Variants in OPA1 observed in about 807,000 individuals in gnomAD.
The protein encoded by OPA1 is OPA1 mitochondrial dynamin like GTPase, also known as dynamin-like GTPase OPA1, mitochondrial.
Under a neutral mutation model 152.9 loss-of-function variants are expected in OPA1, and 59 were observed. That is an observed-to-expected ratio of 0.39 (90% CI 0.31 to 0.48). The LOEUF (loss-of-function observed/expected upper bound fraction) is 0.48. OPA1 is among the 20% of genes least tolerant of loss of function. The pLI is 0.96. For missense variants in OPA1, 1,008 were observed against 1,216.8 expected, an observed-to-expected ratio of 0.83 and a Z score of 2.55; for synonymous variants, 400 against 389.9, an observed-to-expected ratio of 1.03 and a Z score of -0.31.
At chr3:193,687,464 T>G (rs1453853829) in intron 29 of OPA1, among the ~76,000 whole-genome samples, 2 of 152,268 alleles carry the variant, frequency 1.3e-5, no homozygotes, top group African/African-American at 4.8e-5. Context: ...TCACAAATTT[T>G]ATTCTTTATT....
intron 15 of OPA1, 83 bp from the exon 16 acceptor site, chr3:193,643,892 C>CA: frequency 7.2e-7 from 1 of 1,381,080 alleles, no homozygotes; most frequent in Non-Finnish European, 1.0e-6. Flanking sequence ...ATAATGTAGA[C>CA]ACAGGGGTAT....
chr3:193,690,934 C>T (rs1041729845), intron 29 of OPA1, among the ~76,000 whole-genome samples: 4 of 152,092 alleles, frequency 2.6e-5, no homozygotes, highest in African/African-American at 9.7e-5. Context: ...AAATAGGAGG[C>T]CAGGCACAGT....
chr3:193,666,018 T>A (rs1252992678), intron 27 of OPA1, among the ~76,000 whole-genome samples: 1 of 152,198 alleles, frequency 6.6e-6, no homozygotes, highest in Non-Finnish European at 1.5e-5. Context: ...TTACATACAA[T>A]GTAATGTAAT....
intron 7 of OPA1, among the ~76,000 whole-genome samples, chr3:193,628,812 A>G (rs1018649685): frequency 6.6e-6 from 1 of 152,098 alleles, no homozygotes; most frequent in African/African-American, 2.4e-5. Context: ...AAAAATTATC[A>G]TCTCATCAAT....
chr3:193,634,822 T>C (rs1732695279), intron 8 of OPA1, among the ~76,000 whole-genome samples: 1 of 152,218 alleles, frequency 6.6e-6, no homozygotes, highest in African/African-American at 2.4e-5. Flanking sequence ...CTCTACTAAG[T>C]GACCTTGGTC....
intron 29 of OPA1, among the ~76,000 whole-genome samples, chr3:193,686,211 G>T (rs1321532652): frequency 6.6e-6 from 1 of 152,164 alleles, no homozygotes; most frequent in African/African-American, 2.4e-5. Context: ...GAGGGGATGG[G>T]TTTCTTGTCC....
At position 193,657,249 on chromosome 3, in the gene OPA1, C is replaced by CT; in HGVS notation, c.2331+18dup. ...GACAGCTTGGTATGTTGTTTGTATA[C>CT]TGGGGTATCAGCCTCATATTTTTAT... On this transcript the variant is annotated intron_variant, in intron 23 of 30. Transcript: ENST00000361510. 6.2e-7 allele frequency: 1 copy of CT among 1,612,852 alleles called. No homozygotes were observed. Among genetic ancestry groups the CT allele is most frequent in the South Asian group, 1.1e-5 (1 of 90,998 alleles).
chr3:193,637,282 G>T lies in OPA1; in HGVS notation c.1035+1G>T. 6.3e-7 allele frequency: 1 copy of T among 1,599,198 alleles called. No homozygotes were observed. Among genetic ancestry groups the T allele is most frequent in the Non-Finnish European group, 8.6e-7 (1 of 1,168,132 alleles). On this transcript the variant is annotated splice_donor_variant, in intron 10 of 30. Transcript: ENST00000361510. LOFTEE classifies it high-confidence loss of function. The stretch of plus-strand genomic sequence containing the variant: ...TAATACGCAAGATCATCTGCCACGG[G>T]TATGTGAAAAATTGATAGTGAACTT...
intron 23 of OPA1, among the ~76,000 whole-genome samples, chr3:193,658,246 CAAA>C (rs10544016): frequency 0.011 from 1,094 of 96,550 alleles, 12 homozygotes; most frequent in East Asian, 0.031. Context: ...ACTCCGTTTT[CAAA>C]AAAAAAAAAA....
At chr3:193,658,726 A>C (rs962804058) in intron 23 of OPA1, among the ~76,000 whole-genome samples, 161 bp from the exon 24 acceptor site, 1 of 152,254 alleles carries the variant, frequency 6.6e-6, no homozygotes, top group Admixed American at 6.5e-5. Flanking sequence ...ATAAGCAGGC[A>C]AGTAAAAGAA....
chr3:193,693,916 T>C (rs4687447), intron 30 of OPA1, among the ~76,000 whole-genome samples: 104,805 of 152,112 alleles, frequency 0.69, 36,406 homozygotes, highest in South Asian at 0.83. Context: ...TTCTATTTAC[T>C]GACCTGTGTG....
chr3:193,690,093 T>G (rs981833803), intron 29 of OPA1, among the ~76,000 whole-genome samples: 3 of 152,068 alleles, frequency 2.0e-5, no homozygotes, highest in Non-Finnish European at 4.4e-5. Flanking sequence ...GGCCTTATTT[T>G]GGGAAAACAA....
chr3:193,648,747 A>G (rs959047030), intron 20 of OPA1, 48 bp from the exon 21 acceptor site: 10 of 1,307,432 alleles, frequency 7.6e-6, no homozygotes, highest in Admixed American at 3.4e-5. Flanking sequence ...GACAGGGTAA[A>G]TTTACTGTCT....
chr3:193,645,683 AAG>A (rs1423371102), intron 17 of OPA1, 43 bp from the exon 18 acceptor site: 1 of 1,607,774 alleles, frequency 6.2e-7, no homozygotes, highest in Admixed American at 1.7e-5. Context: ...TCAAATAATA[AAG>A]AGTAATTTTC....
intron 29 of OPA1, chr3:193,667,509 A>C (rs1252721349): frequency 4.2e-6 from 2 of 473,474 alleles, no homozygotes; most frequent in Non-Finnish European, 8.1e-6. Flanking sequence ...TCTCTACTAA[A>C]AATACAAAAA....
At chr3:193,682,761 T>TTTTC (rs1720349101) in intron 29 of OPA1, among the ~76,000 whole-genome samples, 1 of 152,146 alleles carries the variant, frequency 6.6e-6, no homozygotes, top group African/African-American at 2.4e-5. Context: ...CTCAGAAAAG[T>TTTTC]TTTCTTTCAA....
chr3:193,643,448 A>G lies in OPA1; in HGVS notation c.1377+4A>G. 1 of 1,609,280 alleles carries G rather than the reference A, an allele frequency of 6.2e-7. No homozygotes were observed. The highest frequency in any genetic ancestry group is 1.1e-5 in the South Asian group (1 of 90,968). On this transcript the variant is annotated splice_donor_region_variant and intron_variant, in intron 14 of 30. Transcript: ENST00000361510. ...TGACTTACCAGGTGTGATTAATGTA[A>G]GTATATACAAAACATGTATTTTATT...
At chr3:193,670,785 G>A (rs1326022312) in intron 29 of OPA1, among the ~76,000 whole-genome samples, 1 of 152,172 alleles carries the variant, frequency 6.6e-6, no homozygotes, top group Non-Finnish European at 1.5e-5. Flanking sequence ...TAGGAAGATT[G>A]AAGAAATGAA....
chr3:193,677,872 G>A (rs1291402835), intron 29 of OPA1, among the ~76,000 whole-genome samples: 2 of 152,208 alleles, frequency 1.3e-5, no homozygotes, highest in African/African-American at 2.4e-5. Context: ...GTGATGCTGA[G>A]GGACATTTCA....
Sources: allele counts gnomAD v4.1 joint callset (sites outside exome capture counted in the v4.1 genomes callset), GRCh38; gene constraint gnomAD v4.1.1; transcripts MANE v1.5; gene names NCBI Gene and HGNC (gene_info 2026-07-23, HGNC 2026-07-21).